HERC3: variants seen among roughly 807,000 people sequenced by gnomAD.
HERC3 encodes the protein HECT and RLD domain containing E3 ubiquitin protein ligase 3, also known as probable E3 ubiquitin-protein ligase HERC3.
Under a neutral mutation model 129.9 loss-of-function variants are expected in HERC3, and 58 were observed. That is an observed-to-expected ratio of 0.45 (90% CI 0.36 to 0.56). HERC3 has a LOEUF of 0.56. Among genes scored for constraint, HERC3 ranks in the 20% least tolerant of loss-of-function variants. The probability of loss-of-function intolerance (pLI) is 0.00; values close to 1 mark genes in which losing one functional copy is unlikely to be tolerated. For synonymous variants in HERC3, 430 were observed against 451.0 expected (o/e 0.95, Z 0.59); for missense variants, 835 against 1,244.2 (o/e 0.67, Z 4.95).
chr4:88,620,116 A>G (rs1179918856), intron 3 of HERC3, among the ~76,000 whole-genome samples: 1 of 152,238 alleles, frequency 6.6e-6, no homozygotes, highest in Non-Finnish European at 1.5e-5. Flanking sequence ...GTTTCTAAGT[A>G]TGCTTATTGC....
At chr4:88,578,178 AAAT>A in the HERC3 span, among the ~76,000 whole-genome samples, 1 of 152,232 alleles carries the variant, frequency 6.6e-6, no homozygotes, top group Non-Finnish European at 1.5e-5. Context: ...AATGTTGTGA[AAAT>A]AATATCAGAT....
intron 23 of HERC3, among the ~76,000 whole-genome samples, chr4:88,698,051 C>G (rs1176778396): frequency 6.6e-6 from 1 of 152,190 alleles, no homozygotes; most frequent in Non-Finnish European, 1.5e-5. Context: ...GTACCCACCC[C>G]TGTAGAGCTG....
At chr4:88,658,357 G>C in intron 9 of HERC3, 58 bp from the exon 10 acceptor site, 1 of 903,330 alleles carries the variant, frequency 1.1e-6, no homozygotes, top group Non-Finnish European at 1.8e-6. Flanking sequence ...TAGAAAAGGG[G>C]ATCAAGGAGA....
chr4:88,643,501 A>T (rs899580242), intron 3 of HERC3, among the ~76,000 whole-genome samples: 1 of 152,266 alleles, frequency 6.6e-6, no homozygotes, highest in Admixed American at 6.5e-5. Flanking sequence ...ATAGAGGTAT[A>T]GTAATCCAGG....
chr4:88,637,396 A>G (rs1457761346), intron 3 of HERC3, among the ~76,000 whole-genome samples: 1 of 152,202 alleles, frequency 6.6e-6, no homozygotes, highest in Non-Finnish European at 1.5e-5. Context: ...ACTGCACTCC[A>G]GCCTGGGCCA....
chr4:88,642,060 G>A (rs1238922218), intron 3 of HERC3, among the ~76,000 whole-genome samples: 1 of 149,678 alleles, frequency 6.7e-6, no homozygotes, highest in African/African-American at 2.5e-5. Flanking sequence ...GAACCCAGGA[G>A]GTGGAGGTTG....
the HERC3 span, among the ~76,000 whole-genome samples, chr4:88,551,999 T>C: frequency 0.012 from 1,874 of 151,868 alleles, 38 homozygotes; most frequent in African/African-American, 0.043. Context: ...ATGGATGAAA[T>C]TGGAAATCAT....
intron 18 of HERC3, among the ~76,000 whole-genome samples, chr4:88,677,186 A>G (rs1732265479): frequency 6.6e-6 from 1 of 152,138 alleles, no homozygotes; most frequent in Non-Finnish European, 1.5e-5. Context: ...CTAAGCAAAA[A>G]CAGACAGAAG....
At chr4:88,656,305 G>T in intron 9 of HERC3, 1 of 423,798 alleles carries the variant, frequency 2.4e-6, no homozygotes, top group South Asian at 3.6e-5. Context: ...ATGAAGAAAA[G>T]AGTTTTAATT....
At chr4:88,657,978 G>A (rs1265573490) in intron 9 of HERC3, among the ~76,000 whole-genome samples, 1 of 152,198 alleles carries the variant, frequency 6.6e-6, no homozygotes, top group East Asian at 1.9e-4. Flanking sequence ...GAATGTCACC[G>A]TGGACACAGT....
the HERC3 span, among the ~76,000 whole-genome samples, chr4:88,554,333 A>C: frequency 6.9e-6 from 1 of 145,374 alleles, no homozygotes; most frequent in East Asian, 2.1e-4. Context: ...CGACAGAGGG[A>C]GACTCCATCT....
chr4:88,606,122 A>G, intron 3 of HERC3, 73 bp downstream of exon 3: 2 of 1,213,004 alleles, frequency 1.6e-6, no homozygotes, highest in South Asian at 2.9e-5. Context: ...GAGGGCCCAG[A>G]TGGAGCTTTC....
chr4:88,562,179 T>A, the HERC3 span, among the ~76,000 whole-genome samples: 7 of 152,222 alleles, frequency 4.6e-5, no homozygotes, highest in Admixed American at 4.6e-4. Flanking sequence ...GTCTTTTGGA[T>A]GAAAGCCATT....
the HERC3 span, among the ~76,000 whole-genome samples, chr4:88,533,531 C>T: frequency 6.6e-6 from 1 of 152,206 alleles, no homozygotes; most frequent in East Asian, 1.9e-4. Context: ...ACTCATACTA[C>T]TATCCCCTGC....
the HERC3 span, among the ~76,000 whole-genome samples, chr4:88,568,614 G>A: frequency 6.6e-6 from 1 of 152,128 alleles, no homozygotes; most frequent in Non-Finnish European, 1.5e-5. Flanking sequence ...GGAGGCACAT[G>A]ATGAGACTTG....
At chr4:88,559,690 A>T in the HERC3 span, among the ~76,000 whole-genome samples, 6 of 152,294 alleles carry the variant, frequency 3.9e-5, no homozygotes, top group African/African-American at 1.4e-4. Context: ...TCGACCAGGG[A>T]CAGGCATTTA....
chr4:88,604,181 G>C (rs1723356048), intron 2 of HERC3, among the ~76,000 whole-genome samples: 1 of 152,180 alleles, frequency 6.6e-6, no homozygotes, highest in Non-Finnish European at 1.5e-5. Context: ...CACCGCGCCT[G>C]GCTGATTTTG....
At chr4:88,584,574 C>T in the HERC3 span, among the ~76,000 whole-genome samples, 8 of 152,188 alleles carry the variant, frequency 5.3e-5, no homozygotes, top group African/African-American at 9.6e-5. Flanking sequence ...GCCATGAGGG[C>T]TTAGTTGTCA....
the HERC3 span, among the ~76,000 whole-genome samples, chr4:88,557,817 G>C: frequency 6.6e-6 from 1 of 152,114 alleles, no homozygotes; most frequent in South Asian, 2.1e-4. Flanking sequence ...AGCACTTTGG[G>C]AGGCTGAGGC....
Sources: allele counts gnomAD v4.1 joint callset (sites outside exome capture counted in the v4.1 genomes callset), GRCh38; gene constraint gnomAD v4.1.1; transcripts MANE v1.5; gene names NCBI Gene and HGNC (gene_info 2026-07-23, HGNC 2026-07-21).